The following RASA2 variants were observed in gnomAD, a reference collection of about 807,000 sequenced individuals.
RASA2 encodes the protein RAS p21 protein activator 2.
A neutral mutation model predicts 118.2 loss-of-function variants in RASA2; 155 were observed. The ratio of observed to expected loss-of-function variants is 1.31; its 90% CI spans 1.15 to 1.50. RASA2 has a LOEUF of 1.50. Among genes scored for constraint, RASA2 ranks in the 40% most tolerant of loss-of-function variants. The pLI is 0.00. For missense variants in RASA2, 1,016 were observed against 1,009.6 expected, an observed-to-expected ratio of 1.01 and a Z score of -0.09; for synonymous variants, 353 against 349.1, an observed-to-expected ratio of 1.01 and a Z score of -0.12.
At chr3:141,525,971 C>T (rs1357520519) in intron 3 of RASA2, 1 of 152,018 alleles carries the variant, frequency 6.6e-6, no homozygotes, top group Admixed American at 6.6e-5. Flanking sequence ...GAGTAATTCA[C>T]CCGAGATTAC....
At chr3:141,528,246 T>C (rs1348589198) in intron 3 of RASA2, among the ~76,000 whole-genome samples, 1 of 151,986 alleles carries the variant, frequency 6.6e-6, no homozygotes, top group African/African-American at 2.4e-5. Flanking sequence ...ATCGATTGTC[T>C]TTACAGTTTG....
At chr3:141,601,806 A>G (rs1243337863) in intron 19 of RASA2, among the ~76,000 whole-genome samples, 1 of 152,138 alleles carries the variant, frequency 6.6e-6, no homozygotes, top group South Asian at 2.1e-4. Flanking sequence ...GGATCCTCCA[A>G]TTTATGCTGA....
Position 141,536,447 on chromosome 3 carries a change from A to G in RASA2, c.451-4086A>G, listed in dbSNP as rs376128105. Among the ~76,000 whole-genome samples, 3 of 152,286 alleles carry G rather than the reference A, an allele frequency of 2.0e-5. No individual in the cohort carries two copies. In the East Asian group the frequency reaches 5.8e-4, roughly 29 times the overall value. On this transcript the variant is annotated intron_variant, in intron 4 of 23. Transcript: ENST00000286364. ...CATTTGGTGGGGACACAGCCAAACC[A>G]TATCAGTACGAGAGTAGTGTAAGTT...
intron 19 of RASA2, among the ~76,000 whole-genome samples, chr3:141,591,565 C>G (rs945145435): frequency 7.2e-5 from 11 of 152,198 alleles, no homozygotes; most frequent in Non-Finnish European, 4.4e-5. Context: ...TCCATATATG[C>G]TGTCATCTGA....
chr3:141,603,826 T>C (rs2083504212), intron 19 of RASA2, among the ~76,000 whole-genome samples: 3 of 152,234 alleles, frequency 2.0e-5, no homozygotes, highest in Non-Finnish European at 2.9e-5. Flanking sequence ...ACATTTCATG[T>C]ACATGGAATC....
rs759211064 is a variant in RASA2, at chr3:141,574,057, G to A, written c.1473G>A (p.Gln491=). Residue 491 remains glutamine, a synonymous_variant, in exon 14 of 24, where the codon CAG becomes CAA. Transcript: ENST00000286364. ...IFYSLRQMAT[Q]RFPNDPHVQY... ...ATTCTCTAAGGCAGATGGCTACTCAGAGATTTCCTAGTAAGTGCCTTGTTT... is the reference window on the plus strand; with the variant it reads ...ATTCTCTAAGGCAGATGGCTACTCAAAGATTTCCTAGTAAGTGCCTTGTTT... 9.4e-6 allele frequency: 14 copies of A among 1,481,642 alleles called. No homozygotes were observed. In the East Asian group the frequency reaches 3.3e-4, roughly 35 times the overall value. 91.8% of individuals were successfully genotyped at this position (1,481,642 alleles called of 1,614,324 possible).
chr3:141,542,049 TG>T (rs1370782790), intron 5 of RASA2, among the ~76,000 whole-genome samples: 2 of 151,936 alleles, frequency 1.3e-5, no homozygotes, highest in African/African-American at 4.8e-5. Context: ...AGGGTTTTTT[TG>T]TGCCCCTTCC....
At chr3:141,498,695 C>T (rs1390204279) in intron 1 of RASA2, among the ~76,000 whole-genome samples, 2 of 151,916 alleles carry the variant, frequency 1.3e-5, no homozygotes, top group African/African-American at 4.8e-5. Flanking sequence ...TATTTTGGCC[C>T]CCTGGATGCT....
At chr3:141,583,836 A>G (rs997726673) in intron 17 of RASA2, among the ~76,000 whole-genome samples, 2 of 152,158 alleles carry the variant, frequency 1.3e-5, no homozygotes, top group African/African-American at 4.8e-5. Flanking sequence ...TTTAAGTCCT[A>G]AGCAGAATAA....
intron 9 of RASA2, 152 bp from the exon 10 acceptor site, chr3:141,570,760 T>G (rs2082904964): frequency 1.6e-6 from 1 of 630,950 alleles, no homozygotes; most frequent in East Asian, 3.1e-5. Flanking sequence ...ATTAGTTTTC[T>G]GAAGATGAGT....
At position 141,577,396 on chromosome 3, in the gene RASA2, T is replaced by G. The variant is rs77934773; in HGVS notation, c.1590+290T>G. Among the ~76,000 whole-genome samples, 785 of 152,272 alleles carry G rather than the reference T, an allele frequency of 5.2e-3. 8 individuals carry two copies. The highest frequency in any genetic ancestry group is 0.018 in the African/African-American group (750 of 41,570). ...TTTTTTCATCTGCTACTGTGTGTGT[T>G]TGTAAATTTCCATAAGTTTTTTTTC... On this transcript the variant is annotated intron_variant, in intron 15 of 23. Transcript: ENST00000286364.
At position 141,612,148 on chromosome 3, in the gene RASA2, T is replaced by C. The variant is rs553692814; in HGVS notation, c.2520-135T>C. ...TGAATAGGTGGTCAGTAAGTACTCATTGAATTAATGAAACAACATTTGGCA... is the reference window on the plus strand; with the variant it reads ...TGAATAGGTGGTCAGTAAGTACTCACTGAATTAATGAAACAACATTTGGCA... On this transcript the variant is annotated intron_variant, in intron 23 of 23. Coordinates refer to ENST00000286364, the MANE Select transcript of RASA2 (RefSeq NM_006506.5). 6.2e-5 allele frequency: 43 copies of C among 692,146 alleles called. 1 individual carries two copies. In the Admixed American group the frequency reaches 1.1e-3, roughly 17 times the overall value. The allele number at this position is 692,146 out of a possible 1,614,324, so 42.9% of individuals were successfully genotyped here. A position where few individuals can be genotyped will look rare whatever the true frequency, so the allele number is the denominator to read the frequency against.
chr3:141,531,318 A>G (rs2082255469), intron 4 of RASA2, among the ~76,000 whole-genome samples: 1 of 151,870 alleles, frequency 6.6e-6, no homozygotes, highest in Non-Finnish European at 1.5e-5. Flanking sequence ...CCAGCTCTCA[A>G]AAGGTAAAAA....
intron 1 of RASA2, among the ~76,000 whole-genome samples, chr3:141,494,736 G>T (rs1459658302): frequency 2.0e-5 from 3 of 151,988 alleles, no homozygotes. Context: ...ATTTTTAAGA[G>T]CCTTTTTTTT....
At chr3:141,523,746 C>T (rs945835445) in intron 3 of RASA2, among the ~76,000 whole-genome samples, 3 of 152,096 alleles carry the variant, frequency 2.0e-5, no homozygotes, top group Non-Finnish European at 2.9e-5. Context: ...TCTCCCCGAC[C>T]CCTCACTCCA....
At chr3:141,549,274 G>T (rs1257289975) in intron 5 of RASA2, among the ~76,000 whole-genome samples, 1 of 151,808 alleles carries the variant, frequency 6.6e-6, no homozygotes, top group African/African-American at 2.4e-5. Context: ...TCTTTTTCTT[G>T]TTTTGTCAGC....
chr3:141,534,136 C>A (rs1366218361), intron 4 of RASA2, among the ~76,000 whole-genome samples: 3 of 152,176 alleles, frequency 2.0e-5, no homozygotes, highest in African/African-American at 2.4e-5. Context: ...CTTCAGTGAA[C>A]TACAGCCGTG....
At chr3:141,553,511 G>A (rs2082603954) in intron 5 of RASA2, among the ~76,000 whole-genome samples, 1 of 151,948 alleles carries the variant, frequency 6.6e-6, no homozygotes, top group Admixed American at 6.6e-5. Context: ...ATGCTGCAGT[G>A]AGCATTTCCT....
intron 2 of RASA2, among the ~76,000 whole-genome samples, chr3:141,512,707 G>A (rs181256044): frequency 4.6e-5 from 7 of 152,270 alleles, no homozygotes; most frequent in African/African-American, 1.4e-4. Flanking sequence ...CCTCTGCACC[G>A]TAGCAATGTG....
Sources: gnomAD v4.1 joint callset for allele counts (sites outside exome capture counted in the v4.1 genomes callset) on GRCh38, gnomAD v4.1.1 for gene constraint, MANE v1.5 for transcripts, NCBI Gene and HGNC (gene_info 2026-07-23, HGNC 2026-07-21) for gene names.